TTLL5: variants seen among roughly 807,000 people sequenced by gnomAD.
The protein encoded by TTLL5 is tubulin tyrosine ligase like 5, also known as tubulin polyglutamylase TTLL5.
Under a neutral mutation model 168.4 loss-of-function variants are expected in TTLL5, and 132 were observed. That is an observed-to-expected ratio of 0.78 (90% CI 0.68 to 0.91). The LOEUF (loss-of-function observed/expected upper bound fraction) is 0.91. Among genes scored for constraint, TTLL5 ranks in the 40% least tolerant of loss-of-function variants. The pLI is 0.00. For synonymous variants in TTLL5, 546 were observed against 558.6 expected (o/e 0.98, Z 0.32); for missense variants, 1,545 against 1,581.5 (o/e 0.98, Z 0.39).
chr14:75,905,083 C>T (rs1163447877), intron 31 of TTLL5, among the ~76,000 whole-genome samples: 1 of 152,136 alleles, frequency 6.6e-6, no homozygotes, highest in Non-Finnish European at 1.5e-5. Context: ...AGATTAGGTT[C>T]CTAGTAGCAA....
intron 27 of TTLL5, among the ~76,000 whole-genome samples, chr14:75,813,023 G>A (rs1894147722): frequency 1.3e-5 from 2 of 152,126 alleles, no homozygotes; most frequent in Non-Finnish European, 2.9e-5. Flanking sequence ...ACAAGATTGG[G>A]AGAATTTTCA....
intron 17 of TTLL5, among the ~76,000 whole-genome samples, chr14:75,748,706 G>T (rs1271410386): frequency 2.0e-5 from 3 of 152,202 alleles, no homozygotes; most frequent in African/African-American, 7.2e-5. Context: ...TTCCAAAGTG[G>T]CTATGTAAAC....
intron 29 of TTLL5, among the ~76,000 whole-genome samples, chr14:75,878,975 G>T (rs2031653508): frequency 1.6e-5 from 1 of 63,450 alleles, no homozygotes; most frequent in Non-Finnish European, 2.9e-5. Flanking sequence ...TGTTGTGTAG[G>T]AATTTAGTTT....
chr14:75,886,788 A>G, intron 30 of TTLL5: 5 of 1,593,668 alleles, frequency 3.1e-6, no homozygotes, highest in African/African-American at 2.7e-5. Flanking sequence ...ACAAACAACT[A>G]CATGCATCTG....
intron 31 of TTLL5, among the ~76,000 whole-genome samples, chr14:75,945,711 G>A (rs766250289): frequency 6.6e-6 from 1 of 151,886 alleles, no homozygotes; most frequent in Non-Finnish European, 1.5e-5. Flanking sequence ...AGAAAAAATG[G>A]GACAACATTT....
rs751858200 is a variant in TTLL5 at position 75,863,680 on chromosome 14, G to A, written c.3340G>A (p.Gly1114Arg). 1.2e-6 allele frequency: 2 copies of A among 1,609,390 alleles called. No individual in the cohort carries two copies. The highest frequency in any genetic ancestry group is 1.7e-6 in the Non-Finnish European group (2 of 1,177,776). ...SSPGSRSLQTGGFAWEGEVEN... is the reference protein window; with the variant it reads ...SSPGSRSLQTRGFAWEGEVEN... ...TTTTCTCTTCAGGAGCCTGCAGACA[G>A]GGGGATTTGCCTGGGAAGGAGAAGT... The change falls in exon 29 of 32, where the codon GGG (glycine) becomes AGG (arginine). Residue 1114 changes from glycine (G) to arginine (R), a missense_variant. Gly to Arg is a moderately radical substitution (Grantham distance 125, BLOSUM62 -2). Coordinates refer to ENST00000298832, the MANE Select transcript of TTLL5 (RefSeq NM_015072.5).
intron 3 of TTLL5, among the ~76,000 whole-genome samples, chr14:75,675,491 C>T (rs6574252): frequency 0.53 from 80,385 of 152,014 alleles, 23,984 homozygotes; most frequent in Non-Finnish European, 0.66. Context: ...TCTAGGGGCA[C>T]ATGTGAGTGG....
intron 28 of TTLL5, among the ~76,000 whole-genome samples, chr14:75,841,425 A>C (rs1423158798): frequency 6.6e-6 from 1 of 152,140 alleles, no homozygotes; most frequent in African/African-American, 2.4e-5. Flanking sequence ...TTAGATTCGT[A>C]TTCACTGGTT....
intron 3 of TTLL5, among the ~76,000 whole-genome samples, chr14:75,671,233 A>G (rs933845740): frequency 5.9e-5 from 9 of 152,220 alleles, no homozygotes; most frequent in African/African-American, 2.2e-4. Context: ...GGGTTTACTT[A>G]TGGACTTTTA....
At chr14:75,665,801 G>A (rs1020858254) in intron 2 of TTLL5, among the ~76,000 whole-genome samples, 6 of 152,176 alleles carry the variant, frequency 3.9e-5, no homozygotes, top group South Asian at 2.1e-4. Context: ...GCAGTGAGCC[G>A]AGATTGTGCC....
intron 3 of TTLL5, among the ~76,000 whole-genome samples, chr14:75,670,187 G>A (rs1883621672): frequency 6.6e-6 from 1 of 151,676 alleles, no homozygotes; most frequent in South Asian, 2.1e-4. Flanking sequence ...ATCAGTTGAT[G>A]TACATTTTTT....
intron 28 of TTLL5, among the ~76,000 whole-genome samples, chr14:75,842,110 A>G (rs963580320): frequency 6.6e-6 from 1 of 152,174 alleles, no homozygotes; most frequent in African/African-American, 2.4e-5. Context: ...TTTCTGTAGG[A>G]TAAACTCCTA....
intron 18 of TTLL5, among the ~76,000 whole-genome samples, chr14:75,762,813 A>C (rs1890734509): frequency 6.6e-6 from 1 of 152,208 alleles, no homozygotes; most frequent in African/African-American, 2.4e-5. Flanking sequence ...GATAAAAAGA[A>C]ATCTTTTTTT....
At chr14:75,693,283 C>G (rs1885589789) in intron 6 of TTLL5, among the ~76,000 whole-genome samples, 2 of 152,018 alleles carry the variant, frequency 1.3e-5, no homozygotes, top group South Asian at 4.1e-4. Context: ...GGGTGGGTGT[C>G]TAAAAAGGCA....
intron 18 of TTLL5, among the ~76,000 whole-genome samples, chr14:75,754,979 A>G (rs1890154819): frequency 6.6e-6 from 1 of 152,050 alleles, no homozygotes. Flanking sequence ...AAAAAACATA[A>G]TTTGGCCAGG....
chr14:75,811,532 A>G (rs1285258627), intron 27 of TTLL5, among the ~76,000 whole-genome samples: 2 of 152,142 alleles, frequency 1.3e-5, no homozygotes, highest in Admixed American at 6.5e-5. Flanking sequence ...TGGAGGTCTT[A>G]AATACTGCTT....
In TTLL5 at chr14:75,914,033, A is replaced by AAAAAAAATATATAT; in HGVS notation, c.3823+11810_3823+11811insAAAAAATATATATA. Among the ~76,000 whole-genome samples, 541 of 70,814 alleles carry AAAAAAAATATATAT rather than the reference A, an allele frequency of 7.6e-3. 8 individuals carry two copies. Among genetic ancestry groups the AAAAAAAATATATAT allele is most frequent in the Non-Finnish European group, 9.9e-3 (475 of 48,010 alleles). The allele number at this position is 70,814 out of a possible 152,430, so 46.5% of individuals were successfully genotyped here. A position where few individuals can be genotyped will look rare whatever the true frequency, so the allele number is the denominator to read the frequency against. ...GTTTAAAAGGAAAAAAAAAAAAAAA[A>AAAAAAAATATATAT]ATATATATATATATATATATATTTT... On this transcript the variant is annotated intron_variant, in intron 31 of 31. Coordinates refer to ENST00000298832, the MANE Select transcript of TTLL5 (RefSeq NM_015072.5).
chr14:75,676,768 C>CTTT (rs779894993), intron 3 of TTLL5, among the ~76,000 whole-genome samples: 3 of 138,464 alleles, frequency 2.2e-5, no homozygotes, highest in Non-Finnish European at 3.2e-5. Flanking sequence ...TAGCATTTTA[C>CTTT]TTTTTTTTTT....
chr14:75,776,977 T>C, intron 23 of TTLL5, 127 bp downstream of exon 23: 1 of 723,872 alleles, frequency 1.4e-6, no homozygotes, highest in South Asian at 2.1e-5. Context: ...CCGGGCACAG[T>C]GGCACACCCC....
Sources: gnomAD v4.1 joint callset for allele counts (sites outside exome capture counted in the v4.1 genomes callset) on GRCh38, gnomAD v4.1.1 for gene constraint, MANE v1.5 for transcripts, NCBI Gene and HGNC (gene_info 2026-07-23, HGNC 2026-07-21) for gene names.